Variants in MYO1D observed in about 807,000 individuals in gnomAD.
MYO1D encodes the protein myosin ID, also known as unconventional myosin-Id.
MYO1D carries 83 observed loss-of-function variants against 122.0 expected under a neutral mutation model. The ratio of observed to expected loss-of-function variants is 0.68; its 90% CI spans 0.57 to 0.82. The LOEUF (loss-of-function observed/expected upper bound fraction) is 0.82, where lower values mean the gene tolerates loss of function less well. MYO1D is among the 40% of genes least tolerant of loss of function. The probability of loss-of-function intolerance (pLI) is 0.00; values close to 1 mark genes in which losing one functional copy is unlikely to be tolerated. For missense variants in MYO1D, 1,157 were observed against 1,269.5 expected, an observed-to-expected ratio of 0.91 and a Z score of 1.35; for synonymous variants, 464 against 446.9, an observed-to-expected ratio of 1.04 and a Z score of -0.48.
intron 6 of MYO1D, among the ~76,000 whole-genome samples, chr17:32,768,927 CCTAACAGCCATCCT>C (rs2090087553): frequency 6.6e-6 from 1 of 152,180 alleles, no homozygotes; most frequent in African/African-American, 2.4e-5. Context: ...TGGCTGCTTA[CCTAACAGCCATCCT>C]CTACCCTCAT....
intron 8 of MYO1D, among the ~76,000 whole-genome samples, chr17:32,763,743 A>T (rs1310854920): frequency 6.6e-6 from 1 of 152,100 alleles, no homozygotes; most frequent in Non-Finnish European, 1.5e-5. Flanking sequence ...AACATGGTGA[A>T]ACCTTGTCTC....
Position 32,765,004 on chromosome 17 carries a change from C to A in MYO1D, c.909G>T (p.Leu303Phe). The A allele has an allele frequency of 6.2e-7, 1 of 1,613,974 alleles. No homozygotes were observed. The highest frequency in any genetic ancestry group is 8.5e-7 in the Non-Finnish European group (1 of 1,179,892). The change falls in exon 8 of 22, where the codon TTG (leucine) becomes TTT (phenylalanine). Residue 303 changes from leucine (L) to phenylalanine (F), a missense_variant. Physicochemically the swap from Leu to Phe is conservative, Grantham distance 22. Transcript: ENST00000318217. Reference sequence around the variant, plus strand: ...CAACCATATCTGTCTTAGTAGAGAGCAATTCTGCTATGATAGATACTACTT... The same window carrying A: ...CAACCATATCTGTCTTAGTAGAGAGAAATTCTGCTATGATAGATACTACTT... Reference protein sequence around the residue: ...NGKVVSIIAELLSTKTDMVEK... With the variant: ...NGKVVSIIAEFLSTKTDMVEK...
intron 21 of MYO1D, chr17:32,594,654 A>G: frequency 3.9e-6 from 2 of 514,110 alleles, no homozygotes; most frequent in South Asian, 3.3e-5. Flanking sequence ...CTTACTGTTA[A>G]TATCTTCCTT....
intron 16 of MYO1D, among the ~76,000 whole-genome samples, chr17:32,693,937 T>C (rs981334266): frequency 6.6e-6 from 1 of 152,232 alleles, no homozygotes; most frequent in African/African-American, 2.4e-5. Flanking sequence ...GAAGCATTTT[T>C]ATTGTTCTAA....
At chr17:32,768,449 G>A (rs1338828415) in intron 6 of MYO1D, among the ~76,000 whole-genome samples, 3 of 152,186 alleles carry the variant, frequency 2.0e-5, no homozygotes, top group African/African-American at 7.2e-5. Flanking sequence ...TAAAGCAATA[G>A]TAACTGCTTA....
In MYO1D at chr17:32,712,165, G is replaced by C. The variant is rs916157288; in HGVS notation, c.1944C>G (p.Pro648=). The C allele has an allele frequency of 5.6e-6, 9 of 1,613,648 alleles. No homozygotes were observed. In the African/African-American group the frequency reaches 1.1e-4, roughly 19 times the overall value. The change falls in exon 16 of 22, where the codon CCC becomes CCG. Residue 648 remains proline, a synonymous_variant. Coordinates refer to ENST00000318217, the MANE Select transcript of MYO1D (RefSeq NM_015194.3). ...CTTTGTCTGAAGGAAGGTCATGGTT[G>C]GGCCAGGTGAATTCAGAGATCATCT... ...RYKMISEFTW[P]NHDLPSDKEA...
chr17:32,539,433 G>A (rs941253224), intron 21 of MYO1D, among the ~76,000 whole-genome samples: 4 of 151,958 alleles, frequency 2.6e-5, no homozygotes, highest in East Asian at 3.8e-4. Context: ...TAAACTTAGC[G>A]GCTTAAAACA....
At chr17:32,683,440 T>C (rs1305314930) in intron 16 of MYO1D, among the ~76,000 whole-genome samples, 1 of 152,216 alleles carries the variant, frequency 6.6e-6, no homozygotes, top group African/African-American at 2.4e-5. Flanking sequence ...GTGGATGTCC[T>C]TTCTGTTTGT....
intron 21 of MYO1D, among the ~76,000 whole-genome samples, chr17:32,597,696 AC>A (rs532086255): frequency 8.4e-4 from 128 of 151,716 alleles, no homozygotes; most frequent in African/African-American, 3.0e-3. Context: ...AAATGGTGAA[AC>A]CCCATCTCTA....
intron 21 of MYO1D, among the ~76,000 whole-genome samples, chr17:32,603,407 C>G (rs2150912022): frequency 6.6e-6 from 1 of 151,878 alleles, no homozygotes; most frequent in East Asian, 1.9e-4. Flanking sequence ...ATTAAAATTC[C>G]TTTAATTTTC....
rs1230761293 is a variant in MYO1D at position 32,557,531 on chromosome 17, T to A, written c.2864+47556A>T. Among the ~76,000 whole-genome samples, 5 of 152,094 alleles carry A rather than the reference T, an allele frequency of 3.3e-5. No homozygotes were observed. In the East Asian group the frequency reaches 9.7e-4, roughly 30 times the overall value. On this transcript the variant is annotated intron_variant, in intron 21 of 21. Coordinates refer to ENST00000318217, the MANE Select transcript of MYO1D (RefSeq NM_015194.3). ...TTCTTTTTTTGAGACAAGGTCTTGC[T>A]CTGTCACTCAGGCCAGAGTGCAGTG...
chr17:32,701,860 C>T (rs930048911), intron 16 of MYO1D, among the ~76,000 whole-genome samples: 5 of 151,488 alleles, frequency 3.3e-5, no homozygotes, highest in African/African-American at 4.9e-5. Context: ...AACCCCCATG[C>T]CCTGCCAAAG....
At chr17:32,760,678 CTG>C in intron 8 of MYO1D, 51 bp from the exon 9 acceptor site, 1 of 1,559,182 alleles carries the variant, frequency 6.4e-7, no homozygotes, top group Non-Finnish European at 8.7e-7. Context: ...AATGAGTCCT[CTG>C]TTTGGATTTG....
intron 21 of MYO1D, among the ~76,000 whole-genome samples, chr17:32,548,991 G>A (rs573499757): frequency 6.6e-6 from 1 of 152,262 alleles, no homozygotes; most frequent in South Asian, 2.1e-4. Context: ...GGGATTACAG[G>A]CGTGAGCCAC....
chr17:32,580,026 T>C (rs2087316500), intron 21 of MYO1D, among the ~76,000 whole-genome samples: 1 of 152,210 alleles, frequency 6.6e-6, no homozygotes, highest in African/African-American at 2.4e-5. Context: ...CTGGAATATG[T>C]GGCAGGGATA....
chr17:32,684,562 C>T (rs148472811), intron 16 of MYO1D, among the ~76,000 whole-genome samples: 1 of 152,300 alleles, frequency 6.6e-6, no homozygotes, highest in East Asian at 1.9e-4. Flanking sequence ...TAAAAAGGCC[C>T]TGTGGAAGTG....
intron 1 of MYO1D, among the ~76,000 whole-genome samples, chr17:32,806,801 T>C (rs758532467): frequency 1.3e-5 from 2 of 152,224 alleles, no homozygotes; most frequent in Non-Finnish European, 2.9e-5. Flanking sequence ...TGCTAGTCTG[T>C]TCCTTGCTTG....
intron 11 of MYO1D, among the ~76,000 whole-genome samples, chr17:32,751,532 A>G (rs946872607): frequency 6.6e-6 from 1 of 152,230 alleles, no homozygotes; most frequent in Admixed American, 6.5e-5. Flanking sequence ...AGACTTCCAA[A>G]AGACTCCTAG....
intron 20 of MYO1D, among the ~76,000 whole-genome samples, chr17:32,609,964 G>A (rs1328161719): frequency 6.6e-6 from 1 of 151,940 alleles, no homozygotes; most frequent in African/African-American, 2.4e-5. Flanking sequence ...TGTCTATCAC[G>A]CTTCACTCTC....
Sources: allele counts gnomAD v4.1 joint callset (sites outside exome capture counted in the v4.1 genomes callset), GRCh38; gene constraint gnomAD v4.1.1; transcripts MANE v1.5; gene names NCBI Gene and HGNC (gene_info 2026-07-23, HGNC 2026-07-21).